Variants in DENND2B observed in about 807,000 individuals in gnomAD.
DENND2B encodes the protein DENN domain-containing protein 2B.
A neutral mutation model predicts 116.0 loss-of-function variants in DENND2B; 32 were observed. That is an observed-to-expected ratio of 0.28 (90% CI 0.21 to 0.37). The LOEUF is 0.37. Ranked by LOEUF, DENND2B falls within the 10% of genes least tolerant of loss-of-function variation. The probability of loss-of-function intolerance (pLI) is 1.00; values close to 1 mark genes in which losing one functional copy is unlikely to be tolerated. For missense variants in DENND2B, 1,276 were observed against 1,477.7 expected, an observed-to-expected ratio of 0.86 and a Z score of 2.24; for synonymous variants, 588 against 583.9, an observed-to-expected ratio of 1.01 and a Z score of -0.10.
intron 4 of DENND2B, among the ~76,000 whole-genome samples, chr11:8,724,837 G>A (rs78084614): frequency 1.3e-5 from 2 of 152,338 alleles, no homozygotes; most frequent in Non-Finnish European, 2.9e-5. Flanking sequence ...TAAAGATAAT[G>A]TCTCCTCCAA....
At chr11:8,776,186 A>ACACACACACCCC (rs761084725) in intron 1 of DENND2B, 103 of 443,112 alleles carry the variant, frequency 2.3e-4, no homozygotes, top group African/African-American at 2.1e-3. Context: ...ACACACACAC[A>ACACACACACCCC]CCTACCTCTC....
At chr11:8,699,127 TAA>T in intron 15 of DENND2B, 84 bp downstream of exon 15, 4 of 1,512,008 alleles carry the variant, frequency 2.6e-6, no homozygotes, top group Non-Finnish European at 2.7e-6. Flanking sequence ...AAGAGCCTGG[TAA>T]AGAGGCCGAG....
intron 1 of DENND2B, among the ~76,000 whole-genome samples, chr11:8,796,797 G>T (rs758333314): frequency 6.6e-6 from 1 of 152,128 alleles, no homozygotes; most frequent in African/African-American, 2.4e-5. Flanking sequence ...CTTATGGAGC[G>T]TTAAGGAGAA....
intron 8 of DENND2B, among the ~76,000 whole-genome samples, chr11:8,713,562 A>G (rs956189093): frequency 1.1e-4 from 16 of 152,110 alleles, no homozygotes; most frequent in African/African-American, 3.9e-4. Flanking sequence ...GTATTATTTT[A>G]GTAGAGATGG....
chr11:8,838,903 C>A (rs1317171757), intron 4 of DENND2B, among the ~76,000 whole-genome samples: 1 of 152,156 alleles, frequency 6.6e-6, no homozygotes, highest in East Asian at 1.9e-4. Context: ...AATCTCAGAG[C>A]AACATAGAAG....
At chr11:8,867,708 G>A (rs1419834957) in intron 2 of DENND2B, among the ~76,000 whole-genome samples, 1 of 151,202 alleles carries the variant, frequency 6.6e-6, no homozygotes, top group Admixed American at 6.6e-5. Context: ...TTAGCCTCCT[G>A]AATAGTTGGG....
intron 17 of DENND2B, 63 bp from the exon 18 acceptor site, chr11:8,696,729 T>TC: frequency 6.3e-7 from 1 of 1,588,334 alleles, no homozygotes; most frequent in Non-Finnish European, 8.6e-7. Context: ...TCCTCAATCT[T>TC]CCTGGTGTAG....
chr11:8,709,204 G>C (rs958658133), intron 11 of DENND2B, among the ~76,000 whole-genome samples: 2 of 152,194 alleles, frequency 1.3e-5, no homozygotes, highest in Admixed American at 1.3e-4. Flanking sequence ...AGAGAAGGCA[G>C]AATCTGTTTT....
At chr11:8,864,111 A>G (rs556303831) in intron 2 of DENND2B, among the ~76,000 whole-genome samples, 1 of 152,294 alleles carries the variant, frequency 6.6e-6, no homozygotes, top group East Asian at 1.9e-4. Flanking sequence ...CTGTTTACTC[A>G]CTAGAAAATA....
At chr11:8,810,806 G>GTCTCACTGTCTCTCTCTC (rs2061329639), upstream of DENND2B, 1 of 140,236 alleles carries the variant, frequency 7.1e-6, no homozygotes, top group African/African-American at 2.8e-5. Context: ...CTTTCTCACT[G>GTCTCACTGTCTCTCTCTC]TCTCTCTCTC....
intron 14 of DENND2B, among the ~76,000 whole-genome samples, chr11:8,701,443 T>C (rs539852136): frequency 1.3e-5 from 2 of 149,610 alleles, no homozygotes; most frequent in South Asian, 2.2e-4. Context: ...AGCCTTCTTA[T>C]CAAACTGGCT....
At chr11:8,783,500 G>A (rs1408346965) in intron 1 of DENND2B, among the ~76,000 whole-genome samples, 1 of 152,146 alleles carries the variant, frequency 6.6e-6, no homozygotes, top group Non-Finnish European at 1.5e-5. Flanking sequence ...AAAAATGATG[G>A]CACTTTGGGG....
chr11:8,696,508 G>A lies in DENND2B; in HGVS notation c.3211C>T (p.Arg1071Cys), dbSNP rs1251438639. 4 of 1,614,056 alleles carry A rather than the reference G, an allele frequency of 2.5e-6. No homozygotes were observed. The highest frequency in any genetic ancestry group is 1.7e-5 in the Admixed American group (1 of 59,994). Residue 1071 changes from arginine (R) to cysteine (C), a missense_variant, in exon 18 of 20, where the codon CGC becomes TGC. Around this residue, in one of 2 missense-constraint regions of DENND2B, gnomAD observed 420 missense variants for 631.1 expected, o/e 0.67. Transcript: ENST00000313726. Reference protein sequence around the residue: ...RKSVASKSIRRFLEVFMESQM... With the variant: ...RKSVASKSIRCFLEVFMESQM... ...GACTCCATAAAAACCTCAAGAAAGC[G>A]GCGGATGCTTTTGGAGGCCACAGAT...
At chr11:8,858,012 C>G (rs1055977609) in intron 2 of DENND2B, among the ~76,000 whole-genome samples, 1 of 152,206 alleles carries the variant, frequency 6.6e-6, no homozygotes, top group Non-Finnish European at 1.5e-5. Flanking sequence ...GAATCCAGAA[C>G]AAATTACACA....
intron 1 of DENND2B, among the ~76,000 whole-genome samples, chr11:8,904,913 A>C (rs1005331820): frequency 2.0e-5 from 3 of 152,164 alleles, no homozygotes; most frequent in African/African-American, 7.2e-5. Context: ...AAACTGAAAT[A>C]AATGGACAGA....
rs200712497 is a variant in DENND2B at position 8,750,648 on chromosome 11, G to T, written c.53C>A (p.Thr18Asn). 6.2e-7 allele frequency: 1 copy of T among 1,614,130 alleles called. No homozygotes were observed. The highest frequency in any genetic ancestry group is 2.2e-5 in the East Asian group (1 of 44,872). Residue 18 changes from threonine to asparagine, a missense_variant, in exon 2 of 20, where the codon ACT becomes AAT. Transcript: ENST00000313726. ...NSSITHGAGG[T>N]KAPRGTLSRS... ...GCTCAGAGTCCCCCGAGGGGCTTTA[G>T]TGCCACCAGCTCCGTGGGTGATGCT... is the stretch of plus-strand genomic sequence containing the variant.
At chr11:8,806,870 G>A (rs181416088) in intron 1 of DENND2B, among the ~76,000 whole-genome samples, 3 of 150,902 alleles carry the variant, frequency 2.0e-5, no homozygotes, top group African/African-American at 7.3e-5. Flanking sequence ...TTTCCCATAG[G>A]CTTTAAAGAC....
At chr11:8,855,205 A>G (rs2063151865) in intron 3 of DENND2B, among the ~76,000 whole-genome samples, 1 of 151,762 alleles carries the variant, frequency 6.6e-6, no homozygotes, top group Non-Finnish European at 1.5e-5. Context: ...GGGAGGGAAG[A>G]GTAGAGAAGA....
Position 8,711,137 on chromosome 11 carries a change from A to G in DENND2B, c.2267T>C (p.Val756Ala). 1.2e-6 allele frequency: 2 copies of G among 1,614,122 alleles called. No homozygotes were observed. Among genetic ancestry groups the G allele is most frequent in the Non-Finnish European group, 1.7e-6 (2 of 1,180,010 alleles). The change falls in exon 10 of 20, where the codon GTG becomes GCG. Residue 756 changes from valine to alanine, a missense_variant. Val to Ala is a moderately conservative substitution (Grantham distance 64). Coordinates refer to ENST00000313726, the MANE Select transcript of DENND2B (RefSeq NM_213618.2). ...CFPDAKDWLPVSEYSSETFSF... is the reference protein window; with the variant it reads ...CFPDAKDWLPASEYSSETFSF... Reference sequence around the variant, plus strand: ...CAGGCCTCACCTGCTATACTCTGACACAGGAAGCCAGTCCTTGGCATCAGG... The same window carrying G: ...CAGGCCTCACCTGCTATACTCTGACGCAGGAAGCCAGTCCTTGGCATCAGG...
Sources: allele counts gnomAD v4.1 joint callset (sites outside exome capture counted in the v4.1 genomes callset), GRCh38; gene constraint gnomAD v4.1.1; regional missense constraint gnomAD v4.1.1; transcripts MANE v1.5; gene names NCBI Gene and HGNC (gene_info 2026-07-23, HGNC 2026-07-21).